The following RIPOR2 variants were observed in gnomAD, a reference collection of about 807,000 sequenced individuals.
RIPOR2 encodes rho family-interacting cell polarization regulator 2.
RIPOR2 carries 39 observed loss-of-function variants against 114.5 expected under a neutral mutation model. The ratio of observed to expected loss-of-function variants is 0.34; its 90% confidence interval spans 0.26 to 0.44. The LOEUF is 0.44. Among genes scored for constraint, RIPOR2 ranks in the 20% least tolerant of loss-of-function variants. The pLI is 1.00. For synonymous variants in RIPOR2, 445 were observed against 484.4 expected, an observed-to-expected ratio of 0.92 and a Z score of 1.07; for missense variants, 1,007 against 1,255.1, an observed-to-expected ratio of 0.80 and a Z score of 2.99.
intron 16 of RIPOR2, among the ~76,000 whole-genome samples, chr6:24,831,008 G>A (rs535694890): frequency 1.3e-5 from 2 of 152,214 alleles, no homozygotes; most frequent in South Asian, 2.1e-4. Context: ...GAGCCACCAC[G>A]CCTGGCCATA....
At chr6:24,925,075 T>C (rs563359855) in intron 1 of RIPOR2, among the ~76,000 whole-genome samples, 1 of 152,348 alleles carries the variant, frequency 6.6e-6, no homozygotes, top group African/African-American at 2.4e-5. Context: ...TATCACCAAA[T>C]TAACTGCAAA....
At chr6:24,946,137 C>T (rs1772394568) in intron 1 of RIPOR2, among the ~76,000 whole-genome samples, 1 of 151,496 alleles carries the variant, frequency 6.6e-6, no homozygotes, top group Non-Finnish European at 1.5e-5. Context: ...GGCTGGAGTG[C>T]AGTAGCATGA....
In RIPOR2 at chr6:24,848,094, A is replaced by G. The variant is rs1270490626; in HGVS notation, c.1095T>C (p.Leu365=). 1.2e-6 allele frequency: 2 copies of G among 1,613,908 alleles called. No homozygotes were observed. Among genetic ancestry groups the G allele is most frequent in the South Asian group, 1.1e-5 (1 of 91,070 alleles). The change falls in exon 12 of 22, where the codon CTT becomes CTC. Residue 365 remains leucine, a synonymous_variant. Coordinates refer to ENST00000643898, the MANE Select transcript of RIPOR2 (RefSeq NM_001286445.3). ...GGCTGTACATGGACATTCTCCTCTG[A>G]AGGGCTGCTGCCTTGTTCCCAGCGC... ...SSGAGNKAAA[L]QRRMSMYSQG...
At chr6:24,859,375 G>A (rs1763830361) in intron 8 of RIPOR2, among the ~76,000 whole-genome samples, 1 of 152,154 alleles carries the variant, frequency 6.6e-6, no homozygotes, top group South Asian at 2.1e-4. Flanking sequence ...AAGGTTTTCT[G>A]CTAAACACTG....
chr6:24,921,027 A>G (rs543903912), intron 1 of RIPOR2, among the ~76,000 whole-genome samples: 41 of 152,296 alleles, frequency 2.7e-4, no homozygotes, highest in African/African-American at 9.6e-4. Context: ...TCCTTTTGTA[A>G]GGTAAATCAG....
intron 13 of RIPOR2, 72 bp downstream of exon 13, chr6:24,842,790 C>G (rs976264693): frequency 2.6e-5 from 22 of 841,504 alleles, no homozygotes; most frequent in South Asian, 4.4e-5. Context: ...AATGATACCT[C>G]ATCTTAAATA....
At chr6:24,824,022 G>C (rs981486541) in intron 19 of RIPOR2, among the ~76,000 whole-genome samples, 1 of 152,190 alleles carries the variant, frequency 6.6e-6, no homozygotes, top group Non-Finnish European at 1.5e-5. Flanking sequence ...CTCCCAAAGT[G>C]TTGGGATTAC....
rs965228903 is a variant in RIPOR2, at chr6:24,805,283, G to A, written c.*1090C>T. On this transcript the variant is annotated 3_prime_UTR_variant, in exon 22 of 22. Coordinates refer to ENST00000643898, the MANE Select transcript of RIPOR2 (RefSeq NM_001286445.3). ...TTGAGTTTTTTGTTTAAGTGTATAG[G>A]CATAATCTTAATGTAGTTCTTAGTC... 1.9e-4 allele frequency: 28 copies of A among 151,322 alleles called. No homozygotes were observed. The highest frequency in any genetic ancestry group is 6.3e-4 in the African/African-American group (26 of 41,216). The allele number at this position is 151,322 out of a possible 1,614,324, so 9.4% of individuals were successfully genotyped here. A position where few individuals can be genotyped will look rare whatever the true frequency, so the allele number is the denominator to read the frequency against.
chr6:24,966,040 T>G (rs1005815703), intron 1 of RIPOR2, among the ~76,000 whole-genome samples: 3 of 152,210 alleles, frequency 2.0e-5, no homozygotes, highest in African/African-American at 7.2e-5. Context: ...ATTGCTTTAT[T>G]AGAAAAACAG....
intron 1 of RIPOR2, among the ~76,000 whole-genome samples, chr6:24,954,114 G>A (rs546295228): frequency 6.6e-6 from 1 of 152,304 alleles, no homozygotes; most frequent in Non-Finnish European, 1.5e-5. Context: ...GGCAGCCCAA[G>A]CATACTAATA....
chr6:24,955,886 G>C (rs539415485), intron 1 of RIPOR2, among the ~76,000 whole-genome samples: 3 of 151,978 alleles, frequency 2.0e-5, no homozygotes, highest in Non-Finnish European at 2.9e-5. Context: ...GCAGGTGCCT[G>C]TAATCCCAGC....
chr6:25,000,717 G>A (rs1581933713), intron 1 of RIPOR2, among the ~76,000 whole-genome samples: 1 of 151,866 alleles, frequency 6.6e-6, no homozygotes, highest in Middle Eastern at 3.4e-3. Context: ...TGGAAAAGTA[G>A]AAGGTTCTCA....
In RIPOR2 at chr6:24,805,569, C is replaced by T. The variant is rs1313032942; in HGVS notation, c.*804G>A. 1 of 146,372 alleles carries T rather than the reference C, an allele frequency of 6.8e-6. No individual in the cohort carries two copies. The highest frequency in any genetic ancestry group is 1.5e-5 in the Non-Finnish European group (1 of 65,768). The allele number at this position is 146,372 out of a possible 1,614,324, so 9.1% of individuals were successfully genotyped here. On this transcript the variant is annotated 3_prime_UTR_variant, in exon 22 of 22. Transcript: ENST00000643898. Reference sequence around the variant, plus strand: ...AAACTCTCCTAATGGGTCATTTTGCCAGGTTCTGCAGGCAAACTTTTATTT... The same window carrying T: ...AAACTCTCCTAATGGGTCATTTTGCTAGGTTCTGCAGGCAAACTTTTATTT...
chr6:24,826,463 T>C (rs2113667772), intron 18 of RIPOR2, among the ~76,000 whole-genome samples: 1 of 151,618 alleles, frequency 6.6e-6, no homozygotes, highest in East Asian at 2.0e-4. Flanking sequence ...CAACATTCTC[T>C]ACACAGTAGA....
At chr6:24,997,751 AC>A (rs892510855) in intron 1 of RIPOR2, among the ~76,000 whole-genome samples, 1 of 152,050 alleles carries the variant, frequency 6.6e-6, no homozygotes, top group Non-Finnish European at 1.5e-5. Context: ...CCTTTGCAAG[AC>A]CCCCAGGTGA....
chr6:24,856,098 A>G (rs1442150729), intron 8 of RIPOR2, among the ~76,000 whole-genome samples: 12 of 152,048 alleles, frequency 7.9e-5, no homozygotes, highest in Admixed American at 7.9e-4. Flanking sequence ...CCTGACTTAT[A>G]AACGTTGCGT....
At chr6:24,825,849 C>A (rs1475836739) in intron 18 of RIPOR2, among the ~76,000 whole-genome samples, 1 of 152,098 alleles carries the variant, frequency 6.6e-6, no homozygotes, top group African/African-American at 2.4e-5. Flanking sequence ...GTGCAAAAAC[C>A]AAGTCTGCAC....
intron 6 of RIPOR2, among the ~76,000 whole-genome samples, chr6:24,866,826 G>A (rs1474699685): frequency 3.9e-5 from 6 of 152,150 alleles, no homozygotes; most frequent in Admixed American, 3.9e-4. Flanking sequence ...TACTTACCTA[G>A]CACTATTTGA....
At chr6:25,025,731 T>A (rs554803911) in intron 1 of RIPOR2, among the ~76,000 whole-genome samples, 1 of 152,360 alleles carries the variant, frequency 6.6e-6, no homozygotes, top group African/African-American at 2.4e-5. Context: ...TGACTATGCA[T>A]ATTCAACACA....
Sources: gnomAD v4.1 joint callset for allele counts (sites outside exome capture counted in the v4.1 genomes callset) on GRCh38, gnomAD v4.1.1 for gene constraint, MANE v1.5 for transcripts, NCBI Gene and HGNC (gene_info 2026-07-23, HGNC 2026-07-21) for gene names.